Variants in WWOX observed in about 807,000 individuals in gnomAD.
WWOX encodes WW domain containing oxidoreductase.
A neutral mutation model predicts 46.2 loss-of-function variants in WWOX; 69 were observed. The observed-to-expected ratio is 1.49, with a 90% CI of 1.23 to 1.82. The LOEUF is 1.82. Among genes scored for constraint, WWOX ranks in the 40% most tolerant of loss-of-function variants. The pLI is 0.00. For synonymous variants in WWOX, 359 were observed against 202.6 expected, an observed-to-expected ratio of 1.77 and a Z score of -6.56; for missense variants, 919 against 542.6, an observed-to-expected ratio of 1.69 and a Z score of -6.89.
intron 8 of WWOX, among the ~76,000 whole-genome samples, chr16:78,941,933 T>A (rs992849029): frequency 6.6e-6 from 1 of 152,204 alleles, no homozygotes; most frequent in Non-Finnish European, 1.5e-5. Flanking sequence ...TATTTTTTAC[T>A]GTAAACATTG....
chr16:78,961,675 A>G (rs2046273729), intron 8 of WWOX, among the ~76,000 whole-genome samples: 1 of 152,238 alleles, frequency 6.6e-6, no homozygotes, highest in African/African-American at 2.4e-5. Flanking sequence ...GAGAATCCCC[A>G]AGGTGAGCTT....
In WWOX at chr16:78,997,006, G is replaced by A. The variant is rs764556976; in HGVS notation, c.1057-214602G>A. Among the ~76,000 whole-genome samples, 8 of 152,218 alleles carry A rather than the reference G, an allele frequency of 5.3e-5. 1 individual carries two copies. The highest frequency in any genetic ancestry group is 3.9e-4 in the Admixed American group (6 of 15,282). On this transcript the variant is annotated intron_variant, in intron 8 of 8. Coordinates refer to ENST00000566780, the MANE Select transcript of WWOX (RefSeq NM_016373.4). ...TTGGCAGTCCCTCGCTCAAATGTGC[G>A]TCTCTGGCAAGTCCTGTCTGCTGAT...
Position 78,432,660 on chromosome 16 carries a change from C to A in WWOX, c.964C>A (p.His322Asn). 6.2e-7 allele frequency: 1 copy of A among 1,614,190 alleles called. No homozygotes were observed. Among genetic ancestry groups the A allele is most frequent in the Non-Finnish European group, 8.5e-7 (1 of 1,180,040 alleles). The change falls in exon 8 of 9, where the codon CAT (histidine) becomes AAT (asparagine). Residue 322 changes from histidine (H) to asparagine (N), a missense_variant. Coordinates refer to ENST00000566780, the MANE Select transcript of WWOX (RefSeq NM_016373.4). The part of the protein sequence containing the change: ...SPRGVTSNAV[H>N]PGNMMYSNIH... ...ACGCGGGGTCACGTCGAACGCAGTG[C>A]ATCCTGGAAATATGATGTACTCCAA... is the stretch of plus-strand genomic sequence containing the variant.
chr16:78,859,876 C>G (rs2052675508), intron 8 of WWOX, among the ~76,000 whole-genome samples: 3 of 152,026 alleles, frequency 2.0e-5, no homozygotes, highest in Non-Finnish European at 4.4e-5. Context: ...CTCCTATTTT[C>G]ACTTACTTAT....
intron 5 of WWOX, among the ~76,000 whole-genome samples, chr16:78,266,289 T>C (rs1209313524): frequency 6.6e-6 from 1 of 152,242 alleles, no homozygotes; most frequent in Non-Finnish European, 1.5e-5. Flanking sequence ...AAAACTTTTA[T>C]TGAAATTCCA....
In WWOX at chr16:78,594,429, G is replaced by GCCT. The variant is rs1171391505; in HGVS notation, c.1056+161679_1056+161680insTCC. Reference sequence around the variant, plus strand: ...TCTTGACGAAGAAGACTGAGGAAAGGCCCCCCCCCCCCCCCCGCCAAATTG... The same window carrying GCCT: ...TCTTGACGAAGAAGACTGAGGAAAGGCCTCCCCCCCCCCCCCCCCGCCAAATTG... On this transcript the variant is annotated intron_variant, in intron 8 of 8. Coordinates refer to ENST00000566780, the MANE Select transcript of WWOX (RefSeq NM_016373.4). Among the ~76,000 whole-genome samples, 11 of 32,392 alleles carry GCCT rather than the reference G, an allele frequency of 3.4e-4. No homozygotes were observed. The East Asian group carries it at 4.5e-3, about 13-fold the overall frequency. The allele number at this position is 32,392 out of a possible 152,430, so 21.3% of individuals were successfully genotyped here. A position where few individuals can be genotyped will look rare whatever the true frequency, so the allele number is the denominator to read the frequency against.
In WWOX at chr16:78,796,968, G is replaced by C. The variant is rs140073557; in HGVS notation, c.1056+364216G>C. Among the ~76,000 whole-genome samples the C allele has an allele frequency of 7.3e-3, 1,109 of 152,146 alleles. 18 individuals are homozygous for C. The highest frequency in any genetic ancestry group is 0.025 in the African/African-American group (1,046 of 41,476). ...AGCCTTCCAAGTAGCTGGGATTATAGGCATGAGCCACCATGCCTGGCTAAT... is the reference window on the plus strand; with the variant it reads ...AGCCTTCCAAGTAGCTGGGATTATACGCATGAGCCACCATGCCTGGCTAAT... On this transcript the variant is annotated intron_variant, in intron 8 of 8. Transcript: ENST00000566780.
chr16:78,896,938 C>T (rs987951731), intron 8 of WWOX: 3 of 151,948 alleles, frequency 2.0e-5, no homozygotes, highest in African/African-American at 7.3e-5. Context: ...AGATATAGAA[C>T]ATTCCAGGGC....
chr16:78,987,933 G>C (rs138996471), intron 8 of WWOX, among the ~76,000 whole-genome samples: 1 of 152,204 alleles, frequency 6.6e-6, no homozygotes, highest in African/African-American at 2.4e-5. Context: ...TGTATCCATG[G>C]TAGTCCCAGT....
chr16:78,997,883 T>TC (rs1361956468), intron 8 of WWOX, among the ~76,000 whole-genome samples: 2 of 152,168 alleles, frequency 1.3e-5, no homozygotes, highest in Non-Finnish European at 2.9e-5. Context: ...CAACATTCTT[T>TC]CTTTTTTTTT....
Position 78,434,756 on chromosome 16 carries a change from A to G in WWOX, c.1056+2004A>G, listed in dbSNP as rs78508351. ...AAGCTTTAGAGATGAGTCTGTGACT[A>G]TGGAATTTGGTGAGGGGTGATATAA... On this transcript the variant is annotated intron_variant, in intron 8 of 8. Transcript: ENST00000566780. Among the ~76,000 whole-genome samples, 634 of 152,248 alleles carry G rather than the reference A, an allele frequency of 4.2e-3. 7 individuals are homozygous for G. The highest frequency in any genetic ancestry group is 0.014 in the African/African-American group (580 of 41,536).
chr16:78,857,799 G>C (rs1189657779), intron 8 of WWOX, among the ~76,000 whole-genome samples: 1 of 152,024 alleles, frequency 6.6e-6, no homozygotes, highest in Non-Finnish European at 1.5e-5. Context: ...AACATCTGCT[G>C]TTTATAGGAG....
intron 5 of WWOX, among the ~76,000 whole-genome samples, chr16:78,229,162 G>T (rs768502218): frequency 2.4e-4 from 37 of 151,426 alleles, no homozygotes; most frequent in Non-Finnish European, 4.9e-4. Context: ...ATATACTAGT[G>T]AATTTTCCAT....
At chr16:78,406,576 C>T (rs1279476033) in intron 6 of WWOX, among the ~76,000 whole-genome samples, 8 of 150,612 alleles carry the variant, frequency 5.3e-5, no homozygotes, top group African/African-American at 1.9e-4. Flanking sequence ...GTCTCAGTCT[C>T]CTGACCTCGT....
intron 5 of WWOX, among the ~76,000 whole-genome samples, chr16:78,322,725 G>A (rs1567500345): frequency 1.3e-5 from 2 of 152,302 alleles, no homozygotes; most frequent in East Asian, 3.9e-4. Context: ...AACATTTTCT[G>A]TAAGGGAGAG....
At chr16:78,639,865 C>T (rs1435928393) in intron 8 of WWOX, among the ~76,000 whole-genome samples, 1 of 152,078 alleles carries the variant, frequency 6.6e-6, no homozygotes, top group East Asian at 1.9e-4. Flanking sequence ...CATGCTAGGC[C>T]CAGATTGGCT....
chr16:78,425,094 C>T (rs761440135), intron 7 of WWOX, 39 bp downstream of exon 7: 3 of 1,609,158 alleles, frequency 1.9e-6, no homozygotes, highest in South Asian at 2.2e-5. Context: ...TATCCCCTTT[C>T]TCATACCAGC....
rs143147002 is a variant in WWOX at position 78,775,385 on chromosome 16, G to C, written c.1056+342633G>C. On this transcript the variant is annotated intron_variant, in intron 8 of 8. Coordinates refer to ENST00000566780, the MANE Select transcript of WWOX (RefSeq NM_016373.4). ...TAGTTTTTGGGCAACTTTTCGATGA[G>C]TAAAACAGGGCCTGACTTTTACCCC... is the stretch of plus-strand genomic sequence containing the variant. 2.9e-4 allele frequency among the ~76,000 whole-genome samples: 44 copies of C among 152,288 alleles called. No homozygotes were observed. The East Asian group carries it at 8.3e-3, about 29-fold the overall frequency.
chr16:78,795,823 C>T (rs552405751), intron 8 of WWOX, among the ~76,000 whole-genome samples: 125 of 152,098 alleles, frequency 8.2e-4, no homozygotes, highest in Non-Finnish European at 1.4e-3. Flanking sequence ...TATAAAGTAT[C>T]TAGTAGAGTG....
Sources: allele counts gnomAD v4.1 joint callset (sites outside exome capture counted in the v4.1 genomes callset), GRCh38; gene constraint gnomAD v4.1.1; transcripts MANE v1.5; gene names NCBI Gene and HGNC (gene_info 2026-07-23, HGNC 2026-07-21).